PPP3CA: variants seen among roughly 807,000 people sequenced by gnomAD.
PPP3CA encodes CAM-PRP catalytic subunit.
Under a neutral mutation model 66.5 loss-of-function variants are expected in PPP3CA, and 14 were observed. The observed-to-expected ratio is 0.21, with a 90% CI of 0.14 to 0.33. PPP3CA has a LOEUF of 0.33. Ranked by LOEUF, PPP3CA falls within the 10% of genes least tolerant of loss-of-function variation. The pLI, the probability that PPP3CA is intolerant of heterozygous loss-of-function variation, is 1.00. For missense variants in PPP3CA, 317 were observed against 639.5 expected (o/e 0.50, Z 5.44); for synonymous variants, 232 against 226.2 (o/e 1.03, Z -0.23).
At chr4:101,309,779 G>T (rs1728666082) in intron 1 of PPP3CA, among the ~76,000 whole-genome samples, 1 of 152,138 alleles carries the variant, frequency 6.6e-6, no homozygotes, top group African/African-American at 2.4e-5. Flanking sequence ...GAGAGACACT[G>T]TTCTCTAACG....
chr4:101,164,814 C>G lies in PPP3CA; in HGVS notation c.259+31102G>C, dbSNP rs544472771. 2.6e-4 allele frequency among the ~76,000 whole-genome samples: 40 copies of G among 152,112 alleles called. No individual in the cohort carries two copies. In the South Asian group the frequency reaches 3.7e-3, roughly 14 times the overall value. On this transcript the variant is annotated intron_variant, in intron 2 of 13. Transcript: ENST00000394854. ...AGGCATTAAATTAAACCAATAGCAT[C>G]TATCATAATTAAAATAGGATTAGGT...
intron 2 of PPP3CA, among the ~76,000 whole-genome samples, chr4:101,123,332 T>G (rs973191606): frequency 2.0e-5 from 3 of 152,152 alleles, no homozygotes; most frequent in African/African-American, 7.2e-5. Context: ...ATCATGCTCA[T>G]CAATGGTGAA....
At chr4:101,078,428 C>T (rs1180309389) in intron 8 of PPP3CA, among the ~76,000 whole-genome samples, 1 of 152,204 alleles carries the variant, frequency 6.6e-6, no homozygotes, top group Non-Finnish European at 1.5e-5. Flanking sequence ...CAAACATTCA[C>T]TATTCTTTAA....
intron 2 of PPP3CA, among the ~76,000 whole-genome samples, chr4:101,176,630 CAA>C (rs1195364632): frequency 6.6e-6 from 1 of 152,130 alleles, no homozygotes; most frequent in East Asian, 1.9e-4. Flanking sequence ...AAACATTCTT[CAA>C]AGTCAAGAAT....
At chr4:101,033,293 A>AACACAC (rs70961772) in intron 11 of PPP3CA, among the ~76,000 whole-genome samples, 60 of 139,370 alleles carry the variant, frequency 4.3e-4, no homozygotes, top group South Asian at 1.6e-3. Flanking sequence ...CACACACACA[A>AACACAC]ACACACACAC....
intron 11 of PPP3CA, among the ~76,000 whole-genome samples, chr4:101,033,499 ACT>A (rs1300298120): frequency 6.6e-6 from 1 of 152,104 alleles, no homozygotes; most frequent in African/African-American, 2.4e-5. Flanking sequence ...GTAAGGGATC[ACT>A]CTTTAACTCT....
At chr4:101,260,289 C>T (rs1274752236) in intron 1 of PPP3CA, among the ~76,000 whole-genome samples, 5 of 152,086 alleles carry the variant, frequency 3.3e-5, no homozygotes, top group Non-Finnish European at 2.9e-5. Flanking sequence ...TGTCTGTATA[C>T]GTGCAGTATC....
At chr4:101,341,179 A>G (rs1729802432) in intron 1 of PPP3CA, among the ~76,000 whole-genome samples, 1 of 149,116 alleles carries the variant, frequency 6.7e-6, no homozygotes, top group South Asian at 2.1e-4. Flanking sequence ...ATATACCAAA[A>G]GAAGTGGCCA....
At chr4:101,224,899 T>C (rs1324272631) in intron 1 of PPP3CA, among the ~76,000 whole-genome samples, 1 of 151,740 alleles carries the variant, frequency 6.6e-6, no homozygotes, top group Non-Finnish European at 1.5e-5. Context: ...ATGATCTTCC[T>C]CACTCCCCAC....
chr4:101,120,956 C>G (rs1722007423), intron 2 of PPP3CA, among the ~76,000 whole-genome samples: 1 of 152,002 alleles, frequency 6.6e-6, no homozygotes, highest in Admixed American at 6.6e-5. Context: ...CCACAAATAT[C>G]TAAGGAAACT....
In PPP3CA at chr4:101,346,839, A is replaced by G; in HGVS notation, c.-43T>C. 1 of 1,594,710 alleles carries G rather than the reference A, an allele frequency of 6.3e-7. No homozygotes were observed. The highest frequency in any genetic ancestry group is 8.5e-7 in the Non-Finnish European group (1 of 1,171,920). On this transcript the variant is annotated 5_prime_UTR_variant, in exon 1 of 14. Coordinates refer to ENST00000394854, the MANE Select transcript of PPP3CA (RefSeq NM_000944.5). ...CAGCGACGCGCTGCTCGTCCGTCCG[A>G]CTGCACACCCCGACCGGACCGGCGG...
At chr4:101,041,526 C>T (rs1417562338) in intron 10 of PPP3CA, among the ~76,000 whole-genome samples, 1 of 150,532 alleles carries the variant, frequency 6.6e-6, no homozygotes, top group Non-Finnish European at 1.5e-5. Flanking sequence ...CCTCTGCCTC[C>T]CAGGTTCAAG....
chr4:101,262,128 A>AT (rs1727028572), intron 1 of PPP3CA, among the ~76,000 whole-genome samples: 1 of 152,050 alleles, frequency 6.6e-6, no homozygotes. Context: ...TATTACATTT[A>AT]TTTTTTTCTT....
intron 1 of PPP3CA, among the ~76,000 whole-genome samples, chr4:101,228,264 G>T (rs1473804184): frequency 1.3e-5 from 2 of 151,628 alleles, no homozygotes; most frequent in African/African-American, 4.8e-5. Flanking sequence ...TATACTTTCA[G>T]AGACTCTGCT....
rs182614573 is a variant in PPP3CA at position 101,199,854 on chromosome 4, C to T, written c.59-3738G>A. Among the ~76,000 whole-genome samples the T allele has an allele frequency of 2.6e-5, 4 of 152,250 alleles. No individual in the cohort carries two copies. The East Asian group carries it at 5.8e-4, about 22-fold the overall frequency. The stretch of plus-strand genomic sequence containing the variant: ...GAAAGGTTACTAGTCTACCTATGAA[C>T]CAAACTCATATGCTTCCCATATTGG... On this transcript the variant is annotated intron_variant, in intron 1 of 13. Transcript: ENST00000394854.
intron 1 of PPP3CA, among the ~76,000 whole-genome samples, chr4:101,332,849 G>A (rs1034334463): frequency 1.3e-5 from 2 of 152,162 alleles, no homozygotes; most frequent in Non-Finnish European, 2.9e-5. Flanking sequence ...TACAGATTTT[G>A]TCTAGCTGTA....
chr4:101,245,234 T>TA (rs1334603421), intron 1 of PPP3CA, among the ~76,000 whole-genome samples: 1 of 152,188 alleles, frequency 6.6e-6, no homozygotes, highest in Non-Finnish European at 1.5e-5. Context: ...TGCACTTGTT[T>TA]ATCACATGTT....
intron 2 of PPP3CA, among the ~76,000 whole-genome samples, chr4:101,148,540 CT>C (rs1193569933): frequency 6.6e-6 from 1 of 152,088 alleles, no homozygotes; most frequent in African/African-American, 2.4e-5. Context: ...AGATATTAAT[CT>C]CTTGATATAC....
intron 1 of PPP3CA, among the ~76,000 whole-genome samples, chr4:101,213,825 A>G (rs1046671001): frequency 2.6e-5 from 4 of 152,164 alleles, no homozygotes; most frequent in Non-Finnish European, 5.9e-5. Flanking sequence ...AAAGCTCGCT[A>G]TATTAATCTG....
Sources: allele counts gnomAD v4.1 joint callset (sites outside exome capture counted in the v4.1 genomes callset), GRCh38; gene constraint gnomAD v4.1.1; transcripts MANE v1.5; gene names NCBI Gene and HGNC (gene_info 2026-07-23, HGNC 2026-07-21).